Variants in PDE4B observed in about 807,000 individuals in gnomAD.
PDE4B encodes 3',5'-cyclic-AMP phosphodiesterase 4B.
In PDE4B, 20 loss-of-function variants were observed where a neutral mutation model predicts 82.2. That is an observed-to-expected ratio of 0.24 (90% CI 0.17 to 0.35). PDE4B has a LOEUF of 0.35. Among genes scored for constraint, PDE4B ranks in the 10% least tolerant of loss-of-function variants. The probability of loss-of-function intolerance (pLI) is 1.00; values close to 1 mark genes in which losing one functional copy is unlikely to be tolerated. For synonymous variants in PDE4B, 320 were observed against 318.9 expected (o/e 1.00, Z -0.04); for missense variants, 655 against 907.2 (o/e 0.72, Z 3.57).
At chr1:65,793,696 T>C (rs1337083099) in intron 1 of PDE4B, among the ~76,000 whole-genome samples, 1 of 152,208 alleles carries the variant, frequency 6.6e-6, no homozygotes, top group African/African-American at 2.4e-5. Context: ...CTGCGTGCCC[T>C]GGTGGCTGGG....
chr1:66,284,847 T>C (rs1371928346), intron 7 of PDE4B, among the ~76,000 whole-genome samples: 6 of 152,210 alleles, frequency 3.9e-5, no homozygotes, highest in Admixed American at 3.9e-4. Flanking sequence ...TTTTATTTTG[T>C]GTGCAGCGAG....
intron 3 of PDE4B, among the ~76,000 whole-genome samples, chr1:65,971,936 T>A (rs1315840131): frequency 3.3e-5 from 5 of 152,196 alleles, no homozygotes. Flanking sequence ...TCCTTTGGAC[T>A]TTTAAATGCC....
At chr1:66,124,568 A>C (rs977360432) in intron 3 of PDE4B, among the ~76,000 whole-genome samples, 1 of 152,180 alleles carries the variant, frequency 6.6e-6, no homozygotes, top group African/African-American at 2.4e-5. Flanking sequence ...TACTTTTGCT[A>C]TGACCATGTG....
chr1:66,083,276 A>T (rs1370373687), intron 3 of PDE4B, among the ~76,000 whole-genome samples: 1 of 152,100 alleles, frequency 6.6e-6, no homozygotes. Flanking sequence ...CTGCTAACTT[A>T]TAAGACCACC....
chr1:65,829,606 G>A (rs1249801854), intron 1 of PDE4B, among the ~76,000 whole-genome samples: 1 of 152,022 alleles, frequency 6.6e-6, no homozygotes, highest in African/African-American at 2.4e-5. Flanking sequence ...GTTGGTTCTT[G>A]GATAAGAATA....
At chr1:66,183,514 G>A (rs985306240) in intron 3 of PDE4B, among the ~76,000 whole-genome samples, 1 of 152,038 alleles carries the variant, frequency 6.6e-6, no homozygotes, top group Non-Finnish European at 1.5e-5. Context: ...CATAATAACT[G>A]AGTAGCTTTC....
At chr1:66,325,895 ACTAT>A (rs1275653034) in intron 7 of PDE4B, among the ~76,000 whole-genome samples, 1 of 152,160 alleles carries the variant, frequency 6.6e-6, no homozygotes, top group Non-Finnish European at 1.5e-5. Context: ...CCTAGTTTAA[ACTAT>A]CTTCCTGTTT....
intron 3 of PDE4B, among the ~76,000 whole-genome samples, chr1:66,234,678 G>A (rs752581321): frequency 4.6e-5 from 7 of 151,760 alleles, no homozygotes; most frequent in Non-Finnish European, 1.0e-4. Context: ...TCAGTAACTT[G>A]TATCTCTTCT....
In PDE4B at chr1:66,365,187, C is replaced by T. The variant is rs115091992; in HGVS notation, c.1285-480C>T. 6.4e-3 allele frequency among the ~76,000 whole-genome samples: 970 copies of T among 152,156 alleles called. 6 individuals carry two copies. The highest frequency in any genetic ancestry group is 0.027 in the Middle Eastern group (8 of 294). On this transcript the variant is annotated intron_variant, in intron 12 of 16. Coordinates refer to ENST00000341517, the MANE Select transcript of PDE4B (RefSeq NM_002600.4). Reference sequence around the variant, plus strand: ...AATATCTGAAAGCTTGTGACCACACCATAAATTTAGCTTTGGGAAATAATT... The same window carrying T: ...AATATCTGAAAGCTTGTGACCACACTATAAATTTAGCTTTGGGAAATAATT...
At position 65,818,685 on chromosome 1, in the gene PDE4B, C is replaced by CATATATATATATATATATATATATAT. The variant is rs58193032; in HGVS notation, c.-71+25456_-71+25457insTATATATATATATATATATATATATA. The stretch of plus-strand genomic sequence containing the variant: ...ATACATATATATTCACACACACACA[C>CATATATATATATATATATATATATAT]ATATATATATATATATATAAAATAA... On this transcript the variant is annotated intron_variant, in intron 1 of 16. Coordinates refer to ENST00000341517, the MANE Select transcript of PDE4B (RefSeq NM_002600.4). Among the ~76,000 whole-genome samples, 8 of 143,772 alleles carry CATATATATATATATATATATATATAT rather than the reference C, an allele frequency of 5.6e-5. No individual in the cohort carries two copies. The East Asian group carries it at 1.2e-3, about 22-fold the overall frequency. The allele number at this position is 143,772 out of a possible 152,430, so 94.3% of individuals were successfully genotyped here.
intron 8 of PDE4B, among the ~76,000 whole-genome samples, chr1:66,333,889 A>G (rs533151624): frequency 1.3e-5 from 2 of 152,320 alleles, no homozygotes; most frequent in Admixed American, 6.5e-5. Flanking sequence ...GGAAAAAAAA[A>G]GAAAAGAACA....
At chr1:66,116,133 A>G (rs1024569347) in intron 3 of PDE4B, among the ~76,000 whole-genome samples, 1 of 152,214 alleles carries the variant, frequency 6.6e-6, no homozygotes, top group African/African-American at 2.4e-5. Context: ...TTCTGCTGAG[A>G]TGCTCATTAA....
intron 1 of PDE4B, among the ~76,000 whole-genome samples, chr1:65,808,608 T>C (rs1645783336): frequency 6.6e-6 from 1 of 152,190 alleles, no homozygotes; most frequent in Admixed American, 6.5e-5. Context: ...ACTTTGAGCA[T>C]ATGAAAGTGA....
Position 66,334,709 on chromosome 1 carries a change from A to T in PDE4B, c.747+2089A>T, listed in dbSNP as rs527411740. On this transcript the variant is annotated intron_variant, in intron 8 of 16. Coordinates refer to ENST00000341517, the MANE Select transcript of PDE4B (RefSeq NM_002600.4). ...CAACTGACAGCTAAGATTAATTTTT[A>T]AAAATATCTCTTTTTACTTTACTAC... 6.6e-5 allele frequency among the ~76,000 whole-genome samples: 10 copies of T among 152,364 alleles called. No homozygotes were observed. In the South Asian group the frequency reaches 1.5e-3, roughly 22 times the overall value.
intron 1 of PDE4B, among the ~76,000 whole-genome samples, chr1:65,865,214 C>A (rs139301594): frequency 6.6e-6 from 1 of 152,280 alleles, no homozygotes; most frequent in Non-Finnish European, 1.5e-5. Context: ...TCAGTAATGG[C>A]GGATGTCCTT....
chr1:66,012,573 T>C (rs1049483011), intron 3 of PDE4B, among the ~76,000 whole-genome samples: 2 of 152,096 alleles, frequency 1.3e-5, no homozygotes, highest in African/African-American at 4.8e-5. Flanking sequence ...TTGAAGCTCC[T>C]AGGGCAGAAG....
chr1:66,074,539 A>T (rs946613260), intron 3 of PDE4B, among the ~76,000 whole-genome samples: 1 of 152,132 alleles, frequency 6.6e-6, no homozygotes. Context: ...CTTTTAGTAC[A>T]TAAACACTAT....
intron 8 of PDE4B, among the ~76,000 whole-genome samples, chr1:66,340,623 T>C (rs533548520): frequency 6.6e-6 from 1 of 152,294 alleles, no homozygotes; most frequent in Admixed American, 6.5e-5. Flanking sequence ...AACTATTAAA[T>C]ACTTTACATG....
chr1:65,921,530 A>T (rs1430233631), intron 3 of PDE4B, among the ~76,000 whole-genome samples: 1 of 152,178 alleles, frequency 6.6e-6, no homozygotes, highest in Non-Finnish European at 1.5e-5. Context: ...CCATGCCAAG[A>T]CCAGCAATGA....
Sources: gnomAD v4.1 joint callset for allele counts (sites outside exome capture counted in the v4.1 genomes callset) on GRCh38, gnomAD v4.1.1 for gene constraint, MANE v1.5 for transcripts, NCBI Gene and HGNC (gene_info 2026-07-23, HGNC 2026-07-21) for gene names.